Variants in CPT1A observed in about 807,000 individuals in gnomAD.
The protein encoded by CPT1A is carnitine O-palmitoyltransferase 1, liver isoform.
A neutral mutation model predicts 100.8 loss-of-function variants in CPT1A; 64 were observed. The observed-to-expected ratio is 0.63, with a 90% CI of 0.52 to 0.78. The LOEUF (loss-of-function observed/expected upper bound fraction) is 0.78, where lower values mean the gene tolerates loss of function less well. Ranked by LOEUF, CPT1A falls within the 30% of genes least tolerant of loss-of-function variation. CPT1A has a pLI of 0.00. For synonymous variants in CPT1A, 363 were observed against 396.0 expected, an observed-to-expected ratio of 0.92 and a Z score of 0.99; for missense variants, 802 against 1,034.1, an observed-to-expected ratio of 0.78 and a Z score of 3.08.
In CPT1A at chr11:68,798,022, T is replaced by A. The variant is rs534879723; in HGVS notation, c.694-1089A>T. 2.0e-5 allele frequency among the ~76,000 whole-genome samples: 3 copies of A among 152,280 alleles called. No homozygotes were observed. In the South Asian group the frequency reaches 6.2e-4, roughly 32 times the overall value. On this transcript the variant is annotated intron_variant, in intron 6 of 18. Transcript: ENST00000265641. ...GAAAACAAAGAAAAAACCAATGTTA[T>A]GCAAAATTGCTCCACAGACTGCTTC...
intron 16 of CPT1A, among the ~76,000 whole-genome samples, chr11:68,760,647 T>C (rs868395843): frequency 6.6e-6 from 1 of 152,174 alleles, no homozygotes; most frequent in Admixed American, 6.5e-5. Context: ...GTCAGACTTG[T>C]ACCAACTCCC....
chr11:68,777,151 C>A (rs570150035), intron 12 of CPT1A, among the ~76,000 whole-genome samples: 1 of 152,218 alleles, frequency 6.6e-6, no homozygotes, highest in South Asian at 2.1e-4. Flanking sequence ...AGAGCAAGAC[C>A]GGGTGTGGTG....
At chr11:68,827,184 T>C (rs748443295) in intron 1 of CPT1A, among the ~76,000 whole-genome samples, 2 of 151,688 alleles carry the variant, frequency 1.3e-5, no homozygotes, top group Non-Finnish European at 2.9e-5. Context: ...AATACAAAAA[T>C]AAACCAGGCG....
At chr11:68,809,201 G>A (rs1313332987) in intron 3 of CPT1A, among the ~76,000 whole-genome samples, 2 of 151,866 alleles carry the variant, frequency 1.3e-5, no homozygotes, top group Non-Finnish European at 2.9e-5. Context: ...CTCTTTTCTG[G>A]TCATCTAACC....
At chr11:68,770,125 C>T (rs898591167) in intron 14 of CPT1A, among the ~76,000 whole-genome samples, 1 of 151,030 alleles carries the variant, frequency 6.6e-6, no homozygotes, top group South Asian at 2.1e-4. Flanking sequence ...TTTTTTTCAT[C>T]CAAAATCATG....
At position 68,799,338 on chromosome 11, in the gene CPT1A, C is replaced by A. The variant is rs760180078; in HGVS notation, c.573G>T (p.Arg191Ser). The change falls in exon 6 of 19, where the codon AGG becomes AGT. Residue 191 changes from arginine to serine, a missense_variant. Coordinates refer to ENST00000265641, the MANE Select transcript of CPT1A (RefSeq NM_001876.4). ...TGAAGTCTTCTTCCTTCATAAGAGG[C>A]CTCACCGACTGTAGATACTGGGATT... Reference protein sequence around the residue: ...DTVNRYLQSVRPLMKEEDFKR... With the variant: ...DTVNRYLQSVSPLMKEEDFKR... The A allele has an allele frequency of 1.9e-6, 3 of 1,613,860 alleles. No homozygotes were observed. The highest frequency in any genetic ancestry group is 1.7e-5 in the Admixed American group (1 of 59,994).
chr11:68,803,874 C>A (rs914585934), intron 5 of CPT1A, 126 bp downstream of exon 5: 3 of 727,962 alleles, frequency 4.1e-6, no homozygotes, highest in Admixed American at 2.1e-5. Flanking sequence ...CCTATGAGAA[C>A]CCTACCAGGC....
intron 5 of CPT1A, 125 bp from the exon 6 acceptor site, chr11:68,799,480 G>A: frequency 9.4e-7 from 1 of 1,065,572 alleles, no homozygotes; most frequent in South Asian, 1.3e-5. Flanking sequence ...TGGGCATGGT[G>A]GCTCATGCTT....
At chr11:68,807,882 G>A (rs1369196759) in intron 3 of CPT1A, among the ~76,000 whole-genome samples, 1 of 152,268 alleles carries the variant, frequency 6.6e-6, no homozygotes, top group Non-Finnish European at 1.5e-5. Context: ...CCCGGGGCGG[G>A]CCTGTTTGCT....
Position 68,807,425 on chromosome 11 carries a change from A to G in CPT1A, c.453+42T>C, listed in dbSNP as rs764534556. 7.9e-5 allele frequency: 127 copies of G among 1,599,828 alleles called. 1 individual carries two copies. In the Admixed American group the frequency reaches 2.2e-3, roughly 28 times the overall value. ...AGGGGTGTCCTTCTTCCCAAAGCCC[A>G]AACTGTCCACCCCCTCCACAGCCAG... On this transcript the variant is annotated intron_variant, in intron 4 of 18. Transcript: ENST00000265641.
chr11:68,812,727 T>C, intron 2 of CPT1A, 151 bp from the exon 3 acceptor site: 2 of 830,920 alleles, frequency 2.4e-6, no homozygotes, highest in Admixed American at 2.1e-5. Flanking sequence ...CACACCCCAC[T>C]AGCTGGGACT....
chr11:68,788,471 T>G (rs1041836429), intron 9 of CPT1A, among the ~76,000 whole-genome samples: 1 of 151,850 alleles, frequency 6.6e-6, no homozygotes, highest in East Asian at 1.9e-4. Context: ...TGGTGGTGCA[T>G]GCCTGTAATC....
intron 9 of CPT1A, among the ~76,000 whole-genome samples, chr11:68,791,744 G>C (rs1855620635): frequency 6.6e-6 from 1 of 151,980 alleles, no homozygotes; most frequent in Non-Finnish European, 1.5e-5. Context: ...TAGACCAGTA[G>C]TAGGCTGGTC....
At chr11:68,802,165 G>C (rs1855918735) in intron 5 of CPT1A, among the ~76,000 whole-genome samples, 1 of 152,028 alleles carries the variant, frequency 6.6e-6, no homozygotes, top group Non-Finnish European at 1.5e-5. Context: ...GAGCTTTTGG[G>C]GGATGAAATG....
At chr11:68,762,828 T>C (rs1854669713) in intron 14 of CPT1A, 67 bp from the exon 15 acceptor site, 2 of 1,594,910 alleles carry the variant, frequency 1.3e-6, no homozygotes, top group Non-Finnish European at 8.6e-7. Context: ...TAAGGAAGGA[T>C]TGGGTAAGAT....
intron 14 of CPT1A, among the ~76,000 whole-genome samples, chr11:68,768,743 G>A (rs898334090): frequency 6.6e-6 from 1 of 152,152 alleles, no homozygotes; most frequent in South Asian, 2.1e-4. Flanking sequence ...TTGCTCACAC[G>A]TGTTTTTTGT....
intron 1 of CPT1A, among the ~76,000 whole-genome samples, chr11:68,820,243 A>C (rs1856543948): frequency 6.6e-6 from 1 of 151,736 alleles, no homozygotes; most frequent in Non-Finnish European, 1.5e-5. Context: ...CCTTGCCCAG[A>C]CTGGTCTCGA....
Position 68,841,806 on chromosome 11 carries a change from C to A in CPT1A, c.-45G>T. 1.0e-6 allele frequency: 1 copy of A among 996,804 alleles called. No homozygotes were observed. The highest frequency in any genetic ancestry group is 1.2e-6 in the Non-Finnish European group (1 of 839,450). 61.7% of individuals were successfully genotyped at this position (996,804 alleles called of 1,614,324 possible). On this transcript the variant is annotated 5_prime_UTR_variant, in exon 1 of 19. Coordinates refer to ENST00000265641, the MANE Select transcript of CPT1A (RefSeq NM_001876.4). The surrounding 1 kb of genome is among the most constrained non-coding windows in gnomAD (Gnocchi z 6.3). ...AGCTACGGAGGTGCGGCAGCGGCAG[C>A]GGCAGCGGCGGCGGCGGCGGCGGCG... is the stretch of plus-strand genomic sequence containing the variant.
intron 12 of CPT1A, among the ~76,000 whole-genome samples, chr11:68,777,053 C>A (rs1280916560): frequency 1.3e-5 from 2 of 152,254 alleles, no homozygotes; most frequent in East Asian, 3.9e-4. Context: ...CTGACCTGAG[C>A]CAGCGAACGA....
Sources: gnomAD v4.1 joint callset for allele counts (sites outside exome capture counted in the v4.1 genomes callset) on GRCh38, gnomAD v4.1.1 for gene constraint, Gnocchi (gnomAD v3.1) non-coding constraint, MANE v1.5 for transcripts, NCBI Gene and HGNC (gene_info 2026-07-23, HGNC 2026-07-21) for gene names.